ATP7A: variants seen among roughly 807,000 people sequenced by gnomAD.
ATP7A encodes ATPase copper transporting alpha.
In ATP7A, 7 loss-of-function variants were observed where a neutral mutation model predicts 83.5. The ratio of observed to expected loss-of-function variants is 0.08; its 90% CI spans 0.05 to 0.16. ATP7A has a LOEUF of 0.16. Among genes scored for constraint, ATP7A ranks in the 10% least tolerant of loss-of-function variants. ATP7A has a pLI of 1.00. For missense variants in ATP7A, 940 were observed against 1,120.8 expected (o/e 0.84, Z 2.30); for synonymous variants, 354 against 395.2 (o/e 0.90, Z 1.24).
Position 78,007,427 on chromosome X carries a change from A to G in ATP7A, c.1708-1675A>G, listed in dbSNP as rs192603960. ...TGCAAGCCCCGCCTCCCAGGTTCACACCATTCTCCTGCCTCAGCCTACCGA... is the reference window on the plus strand; with the variant it reads ...TGCAAGCCCCGCCTCCCAGGTTCACGCCATTCTCCTGCCTCAGCCTACCGA... On this transcript the variant is annotated intron_variant, in intron 6 of 22. Coordinates refer to ENST00000341514, the MANE Select transcript of ATP7A (RefSeq NM_000052.7). Among the ~76,000 whole-genome samples, 899 of 110,283 alleles carry G rather than the reference A, an allele frequency of 8.2e-3. 12 individuals are homozygous for G. The highest frequency in any genetic ancestry group is 0.028 in the African/African-American group (862 of 30,305).
At chrX:78,010,111 C>G (rs1171941307) in intron 7 of ATP7A, among the ~76,000 whole-genome samples, 1 of 112,508 alleles carries the variant, frequency 8.9e-6, no homozygotes, top group Non-Finnish European at 1.9e-5. Flanking sequence ...ATGACATTAT[C>G]ATTACCATTT....
intron 1 of ATP7A, chrX:77,963,631 A>G (rs148489456): frequency 0.055 from 6,096 of 110,849 alleles, 234 homozygotes; most frequent in East Asian, 0.29. Flanking sequence ...ACAGAGTCTC[A>G]TTCTGTCTCC....
chrX:78,000,613 AAT>A (rs1433774178), intron 5 of ATP7A, among the ~76,000 whole-genome samples: 1 of 107,090 alleles, frequency 9.3e-6, no homozygotes, highest in East Asian at 2.8e-4. Context: ...TATATTTTAT[AAT>A]ATATGTTATA....
At chrX:78,020,475 C>A in intron 13 of ATP7A, 77 bp downstream of exon 13, 2 of 1,123,796 alleles carry the variant, frequency 1.8e-6, no homozygotes, top group Middle Eastern at 2.6e-4. Context: ...CTAGTTTTTA[C>A]GTTTTCCAAT....
At chrX:77,959,826 T>C (rs1302461976) in intron 1 of ATP7A, among the ~76,000 whole-genome samples, 1 of 112,253 alleles carries the variant, frequency 8.9e-6, no homozygotes, top group Non-Finnish European at 1.9e-5. Context: ...TGTGAGACTC[T>C]GTCTAAGGTA....
At chrX:77,964,486 G>C (rs1050481959) in intron 1 of ATP7A, 1 of 110,328 alleles carries the variant, frequency 9.1e-6, no homozygotes, top group Admixed American at 9.6e-5. Flanking sequence ...TGTTACATAG[G>C]TATACACGTG....
chrX:78,018,084 T>C (rs1335903007), intron 12 of ATP7A, among the ~76,000 whole-genome samples: 2 of 106,132 alleles, frequency 1.9e-5, no homozygotes, highest in African/African-American at 6.8e-5. Flanking sequence ...CCACCACCCA[T>C]CTCTTTTCTA....
At chrX:78,036,924 A>T (rs1451341981) in intron 17 of ATP7A, among the ~76,000 whole-genome samples, 1 of 111,555 alleles carries the variant, frequency 9.0e-6, no homozygotes, top group African/African-American at 3.3e-5. Flanking sequence ...AGAATTCTAG[A>T]TGTGTCTTAA....
At position 77,971,621 on chromosome X, in the gene ATP7A, G is replaced by A. The variant is rs1557229668; in HGVS notation, c.-21G>A. ...TTAATGAATTTATTGTTTCTAACAG[G>A]AATGTAATGAGGAAATCAAAATGGA... is the stretch of plus-strand genomic sequence containing the variant. On this transcript the variant is annotated splice_region_variant and 5_prime_UTR_variant, in exon 2 of 23. Transcript: ENST00000341514. 8.3e-7 allele frequency: 1 copy of A among 1,208,436 alleles called. No homozygotes were observed. Among genetic ancestry groups the A allele is most frequent in the Admixed American group, 2.2e-5 (1 of 46,019 alleles).
chrX:77,951,660 C>T (rs1475866314), intron 1 of ATP7A, among the ~76,000 whole-genome samples: 1 of 109,183 alleles, frequency 9.2e-6, no homozygotes, highest in African/African-American at 3.3e-5. Context: ...GCTCACTGCA[C>T]CCTCTGCCTC....
intron 17 of ATP7A, among the ~76,000 whole-genome samples, chrX:78,036,733 T>A (rs1331517420): frequency 9.1e-6 from 1 of 110,462 alleles, no homozygotes; most frequent in Admixed American, 9.6e-5. Flanking sequence ...ATACAGAAAT[T>A]AGTCGGGCGT....
Position 78,040,573 on chromosome X carries a change from G to A in ATP7A, c.3659-18G>A. The A allele has an allele frequency of 8.3e-7, 1 of 1,207,595 alleles. No homozygotes were observed. The highest frequency in any genetic ancestry group is 1.1e-6 in the Non-Finnish European group (1 of 892,113). On this transcript the variant is annotated intron_variant, in intron 18 of 22. Coordinates refer to ENST00000341514, the MANE Select transcript of ATP7A (RefSeq NM_000052.7). The stretch of plus-strand genomic sequence containing the variant: ...ACTATATTCCAAGTTCTTTTATTTT[G>A]TGCTGCCCCTATATTAGATGAGCTG...
At chrX:77,940,251 A>T (rs2077344471) in intron 1 of ATP7A, among the ~76,000 whole-genome samples, 2 of 111,087 alleles carry the variant, frequency 1.8e-5, no homozygotes, top group Admixed American at 9.7e-5. Context: ...AATTTTAAAG[A>T]ATTTCTTCAT....
rs782042145 is a variant in ATP7A at position 77,946,729 on chromosome X, TA to T, written c.-21-24871del. ...TCACATCCACTAGGATGGCTATTACTAAAAAAAAAAAAAAAAAAAAACCTCA... is the reference window on the plus strand; with the variant it reads ...TCACATCCACTAGGATGGCTATTACTAAAAAAAAAAAAAAAAAAAACCTCA... On this transcript the variant is annotated intron_variant, in intron 1 of 22. Transcript: ENST00000341514. 9.6e-3 allele frequency among the ~76,000 whole-genome samples: 531 copies of T among 55,073 alleles called. 3 individuals carry two copies. Among genetic ancestry groups the T allele is most frequent in the African/African-American group, 0.023 (379 of 16,195 alleles). The allele number at this position is 55,073 out of a possible 115,157, so 47.8% of individuals were successfully genotyped here. A position where few individuals can be genotyped will look rare whatever the true frequency, so the allele number is the denominator to read the frequency against.
At chrX:77,958,444 C>A (rs1557227651) in intron 1 of ATP7A, among the ~76,000 whole-genome samples, 1 of 111,366 alleles carries the variant, frequency 9.0e-6, no homozygotes, top group Non-Finnish European at 1.9e-5. Context: ...CTATTCTGTT[C>A]CATTGTGTAT....
intron 1 of ATP7A, among the ~76,000 whole-genome samples, chrX:77,937,905 A>ACACACAC (rs1307435637): frequency 3.7e-5 from 4 of 107,922 alleles, no homozygotes; most frequent in African/African-American, 1.4e-4. Flanking sequence ...ACACACACAC[A>ACACACAC]CACACATACA....
chrX:78,044,850 C>T (rs1271215255), intron 21 of ATP7A, among the ~76,000 whole-genome samples: 1 of 111,701 alleles, frequency 9.0e-6, no homozygotes, highest in East Asian at 2.8e-4. Flanking sequence ...CAAGAAATGA[C>T]ATGAGAACAA....
At chrX:77,994,308 T>C (rs2077687622) in intron 4 of ATP7A, among the ~76,000 whole-genome samples, 1 of 111,260 alleles carries the variant, frequency 9.0e-6, no homozygotes, top group African/African-American at 3.3e-5. Context: ...TCAGGTGATC[T>C]GCCTGCCTCA....
In ATP7A at chrX:78,026,630, A is replaced by G. The variant is rs375325290; in HGVS notation, c.2917-2620A>G. On this transcript the variant is annotated intron_variant, in intron 14 of 22. Transcript: ENST00000341514. ...ATACTCCACTCAATAACCACAGAGTATATATTCTTCTCATATGAACATGGT... is the reference window on the plus strand; with the variant it reads ...ATACTCCACTCAATAACCACAGAGTGTATATTCTTCTCATATGAACATGGT... 4.5e-5 allele frequency among the ~76,000 whole-genome samples: 5 copies of G among 112,132 alleles called. No homozygotes were observed. In the East Asian group the frequency reaches 1.4e-3, roughly 31 times the overall value.
Sources: allele counts gnomAD v4.1 joint callset (sites outside exome capture counted in the v4.1 genomes callset), GRCh38; gene constraint gnomAD v4.1.1; transcripts MANE v1.5; gene names NCBI Gene and HGNC (gene_info 2026-07-23, HGNC 2026-07-21).